STPG2: variants seen among roughly 807,000 people sequenced by gnomAD.
STPG2 encodes sperm tail PG-rich repeat containing 2, also known as sperm-tail PG-rich repeat-containing protein 2.
A neutral mutation model predicts 54.2 loss-of-function variants in STPG2; 56 were observed. The ratio of observed to expected loss-of-function variants is 1.03; its 90% confidence interval spans 0.83 to 1.29. The LOEUF is 1.29. STPG2 is among the 50% of genes most tolerant of loss of function. The pLI is 0.00. For synonymous variants in STPG2, 200 were observed against 181.8 expected, an observed-to-expected ratio of 1.10 and a Z score of -0.81; for missense variants, 596 against 544.9, an observed-to-expected ratio of 1.09 and a Z score of -0.93.
At chr4:97,934,839 AG>A (rs1294005104) in intron 8 of STPG2, among the ~76,000 whole-genome samples, 1 of 152,098 alleles carries the variant, frequency 6.6e-6, no homozygotes, top group African/African-American at 2.4e-5. Context: ...TGTCTCTGAC[AG>A]GTTTTGGTAT....
intron 8 of STPG2, among the ~76,000 whole-genome samples, chr4:97,878,148 C>T (rs1278796992): frequency 1.3e-5 from 2 of 152,196 alleles, no homozygotes; most frequent in Admixed American, 6.5e-5. Context: ...AACTCCAACC[C>T]TGTGGCTTTG....
intron 5 of STPG2, among the ~76,000 whole-genome samples, chr4:98,003,421 A>T (rs928936752): frequency 6.6e-6 from 1 of 152,056 alleles, no homozygotes; most frequent in African/African-American, 2.4e-5. Flanking sequence ...AAAGACGAAA[A>T]AAACACATTG....
At chr4:98,093,440 G>A (rs1353868288) in intron 5 of STPG2, among the ~76,000 whole-genome samples, 3 of 152,090 alleles carry the variant, frequency 2.0e-5, no homozygotes, top group African/African-American at 7.2e-5. Context: ...ACATTTTGTT[G>A]CAATATCAGA....
At chr4:97,937,724 AG>A (rs1732799913) in intron 8 of STPG2, among the ~76,000 whole-genome samples, 1 of 152,130 alleles carries the variant, frequency 6.6e-6, no homozygotes, top group South Asian at 2.1e-4. Flanking sequence ...TCACCTGAGG[AG>A]GCTGAAGAAC....
chr4:97,969,379 C>G (rs1334395044), intron 7 of STPG2, among the ~76,000 whole-genome samples: 2 of 152,082 alleles, frequency 1.3e-5, no homozygotes, highest in Non-Finnish European at 2.9e-5. Flanking sequence ...ACCATCTCAC[C>G]TCATAATCAA....
intron 9 of STPG2, among the ~76,000 whole-genome samples, chr4:97,772,283 A>G (rs1172561991): frequency 6.6e-6 from 1 of 152,214 alleles, no homozygotes; most frequent in Non-Finnish European, 1.5e-5. Context: ...AAAATTCACT[A>G]TGTGTAACAT....
intron 8 of STPG2, among the ~76,000 whole-genome samples, chr4:97,906,895 C>G (rs1482097548): frequency 2.4e-4 from 36 of 151,986 alleles, no homozygotes; most frequent in Non-Finnish European, 7.4e-5. Context: ...CTATGACAAA[C>G]CCACAGCCAA....
At chr4:97,985,975 C>A (rs914130143) in intron 5 of STPG2, among the ~76,000 whole-genome samples, 2 of 151,976 alleles carry the variant, frequency 1.3e-5, no homozygotes, top group African/African-American at 4.8e-5. Context: ...CACACATACA[C>A]ACACACAGAA....
chr4:97,591,327 T>C (rs894042100), intron 10 of STPG2, among the ~76,000 whole-genome samples: 45 of 152,124 alleles, frequency 3.0e-4, no homozygotes, highest in Non-Finnish European at 1.2e-4. Context: ...TAGTTGAATA[T>C]ATAACATAAG....
intron 10 of STPG2, among the ~76,000 whole-genome samples, chr4:97,688,589 A>G (rs1578481395): frequency 1.3e-5 from 2 of 152,084 alleles, no homozygotes; most frequent in African/African-American, 2.4e-5. Context: ...GGATGGTCTC[A>G]ATCTCCTGAC....
intron 8 of STPG2, among the ~76,000 whole-genome samples, chr4:97,895,362 T>C (rs1272220709): frequency 6.6e-6 from 1 of 151,866 alleles, no homozygotes; most frequent in Non-Finnish European, 1.5e-5. Context: ...AGAGATATAG[T>C]CTAATTTATT....
At chr4:97,900,532 T>G (rs1366189036) in intron 8 of STPG2, among the ~76,000 whole-genome samples, 2 of 152,068 alleles carry the variant, frequency 1.3e-5, no homozygotes, top group Non-Finnish European at 2.9e-5. Context: ...TCAGTGACCA[T>G]TAATGACAGA....
chr4:97,534,423 A>C (rs1731483765), intron 4 of STPG2, among the ~76,000 whole-genome samples: 1 of 152,128 alleles, frequency 6.6e-6, no homozygotes, highest in African/African-American at 2.4e-5. Flanking sequence ...ATTTAAGTTT[A>C]TAATCCACTT....
At chr4:97,446,231 C>T (rs149985907) in intron 4 of STPG2, among the ~76,000 whole-genome samples, 1 of 152,214 alleles carries the variant, frequency 6.6e-6, no homozygotes, top group Non-Finnish European at 1.5e-5. Context: ...ACTATTTTAT[C>T]TTGTTATTAA....
chr4:97,819,694 T>C (rs554461146), intron 9 of STPG2, among the ~76,000 whole-genome samples: 2 of 152,226 alleles, frequency 1.3e-5, no homozygotes, highest in South Asian at 4.1e-4. Context: ...TAATTTAATA[T>C]TTTAACATTT....
intron 8 of STPG2, among the ~76,000 whole-genome samples, chr4:97,851,038 G>C (rs1729144210): frequency 6.6e-6 from 1 of 152,116 alleles, no homozygotes; most frequent in South Asian, 2.1e-4. Flanking sequence ...TCTAATTCTT[G>C]TTAATCCTTT....
rs530076021 is a variant in STPG2 at position 97,467,897 on chromosome 4, A to G, written c.462+244802T>C. Among the ~76,000 whole-genome samples the G allele has an allele frequency of 3.3e-5, 5 of 149,432 alleles. No individual in the cohort carries two copies. In the East Asian group the frequency reaches 9.9e-4, roughly 30 times the overall value. On this transcript the variant is annotated intron_variant, in intron 4 of 4. Coordinates refer to the STPG2 transcript ENST00000522676. ...ACTCTACCTACTGCATTAAGAATGG[A>G]TTTGTTCCTAGGTGAGGTTCTTATG...
At chr4:98,028,897 T>C (rs1260722174) in intron 5 of STPG2, among the ~76,000 whole-genome samples, 2 of 152,134 alleles carry the variant, frequency 1.3e-5, no homozygotes, top group Non-Finnish European at 2.9e-5. Context: ...CATTTTCACA[T>C]AGCTTGAAAT....
chr4:98,032,906 C>T (rs970972799), intron 5 of STPG2, among the ~76,000 whole-genome samples: 5 of 152,074 alleles, frequency 3.3e-5, no homozygotes, highest in African/African-American at 4.8e-5. Context: ...AGAACAAAGA[C>T]GCATGTCCCA....
Sources: gnomAD v4.1 joint callset for allele counts (sites outside exome capture counted in the v4.1 genomes callset) on GRCh38, gnomAD v4.1.1 for gene constraint, MANE v1.5 for transcripts, NCBI Gene and HGNC (gene_info 2026-07-23, HGNC 2026-07-21) for gene names.